RBMS3: variants seen among roughly 807,000 people sequenced by gnomAD.
RBMS3 encodes RNA binding motif single stranded interacting protein 3.
In RBMS3, 27 loss-of-function variants were observed where a neutral mutation model predicts 66.8. The ratio of observed to expected loss-of-function variants is 0.40; its 90% confidence interval spans 0.30 to 0.56. RBMS3 has a LOEUF of 0.56. RBMS3 is among the 20% of genes least tolerant of loss of function. The pLI, the probability that RBMS3 is intolerant of heterozygous loss-of-function variation, is 0.40. For missense variants in RBMS3, 513 were observed against 549.5 expected (o/e 0.93, Z 0.66); for synonymous variants, 188 against 183.0 (o/e 1.03, Z -0.22).
intron 6 of RBMS3, among the ~76,000 whole-genome samples, chr3:29,812,724 G>A (rs1157340619): frequency 6.6e-6 from 1 of 152,146 alleles, no homozygotes; most frequent in African/African-American, 2.4e-5. Flanking sequence ...GTGAGAAAGA[G>A]TTTTTCTTTT....
intron 6 of RBMS3, among the ~76,000 whole-genome samples, chr3:29,838,542 T>G (rs569065766): frequency 1.4e-4 from 22 of 152,232 alleles, no homozygotes; most frequent in African/African-American, 4.8e-4. Flanking sequence ...TTGATAATAA[T>G]AAGAAACATA....
intron 6 of RBMS3, among the ~76,000 whole-genome samples, chr3:29,764,123 AG>A (rs11479393): frequency 0.48 from 72,622 of 151,664 alleles, 18,032 homozygotes; most frequent in African/African-American, 0.61. Flanking sequence ...GCTTTTTTTA[AG>A]GGGGGATGTC....
chr3:29,508,668 CT>C (rs965427906), intron 3 of RBMS3, among the ~76,000 whole-genome samples: 58 of 150,766 alleles, frequency 3.8e-4, no homozygotes, highest in Admixed American at 3.0e-3. Context: ...CATACGTGCG[CT>C]TTTTTTTTAT....
chr3:29,379,495 G>A (rs1559532452), intron 1 of RBMS3, among the ~76,000 whole-genome samples: 4 of 152,168 alleles, frequency 2.6e-5, no homozygotes, highest in East Asian at 1.9e-4. Flanking sequence ...CATGGCTGGG[G>A]AGGCATCACA....
intron 4 of RBMS3, among the ~76,000 whole-genome samples, chr3:29,733,138 T>C (rs555559987): frequency 1.3e-5 from 2 of 152,218 alleles, no homozygotes; most frequent in Admixed American, 1.3e-4. Context: ...TCTTTCTCAA[T>C]GTTTTTAAAA....
chr3:29,413,131 G>A (rs2040337138), intron 1 of RBMS3, among the ~76,000 whole-genome samples: 1 of 152,156 alleles, frequency 6.6e-6, no homozygotes, highest in Non-Finnish European at 1.5e-5. Context: ...AGCACTTTGG[G>A]AGCCCAAGGC....
chr3:29,919,525 A>AT (rs1475862549), intron 10 of RBMS3, among the ~76,000 whole-genome samples: 1 of 152,184 alleles, frequency 6.6e-6, no homozygotes, highest in Non-Finnish European at 1.5e-5. Flanking sequence ...TCATTGCTCC[A>AT]TTTGCTAATC....
intron 3 of RBMS3, among the ~76,000 whole-genome samples, chr3:29,514,501 A>G (rs1199531963): frequency 6.6e-6 from 1 of 151,886 alleles, no homozygotes; most frequent in East Asian, 1.9e-4. Flanking sequence ...CGAGTTGCTC[A>G]ATCTAATGTG....
chr3:29,910,897 C>T (rs1377514113), intron 10 of RBMS3, among the ~76,000 whole-genome samples: 6 of 151,762 alleles, frequency 4.0e-5, no homozygotes, highest in Admixed American at 6.6e-5. Flanking sequence ...AAGTAAAATG[C>T]CTTTAAACTT....
chr3:29,785,039 A>G (rs191802923), intron 6 of RBMS3, among the ~76,000 whole-genome samples: 6 of 152,058 alleles, frequency 3.9e-5, no homozygotes, highest in Admixed American at 1.3e-4. Flanking sequence ...TAAAATTGCC[A>G]CCAAAAAAAG....
At chr3:29,518,505 A>G (rs998876175) in intron 3 of RBMS3, among the ~76,000 whole-genome samples, 1 of 152,214 alleles carries the variant, frequency 6.6e-6, no homozygotes, top group Non-Finnish European at 1.5e-5. Flanking sequence ...GATCTATTGT[A>G]TAGTAAAAGA....
intron 1 of RBMS3, among the ~76,000 whole-genome samples, chr3:29,378,528 A>G (rs1409506440): frequency 1.3e-5 from 2 of 151,744 alleles, no homozygotes; most frequent in African/African-American, 4.8e-5. Flanking sequence ...TCATAGAGGT[A>G]TTGTGAGGAT....
intron 10 of RBMS3, among the ~76,000 whole-genome samples, chr3:29,919,395 A>G (rs1383481685): frequency 6.6e-6 from 1 of 152,222 alleles, no homozygotes; most frequent in Non-Finnish European, 1.5e-5. Flanking sequence ...AGAGAAATTA[A>G]GCTTTCCTGG....
chr3:29,476,611 C>T (rs926834262), intron 2 of RBMS3, among the ~76,000 whole-genome samples: 4 of 152,130 alleles, frequency 2.6e-5, no homozygotes, highest in African/African-American at 7.2e-5. Flanking sequence ...AGGAGATTAA[C>T]GTATTGACAA....
intron 1 of RBMS3, among the ~76,000 whole-genome samples, chr3:29,380,192 A>G (rs2038694011): frequency 6.9e-6 from 1 of 145,962 alleles, no homozygotes; most frequent in African/African-American, 2.6e-5. Flanking sequence ...AGAATCTAGT[A>G]GGTATTTAGT....
At chr3:29,916,336 CTTTAA>C (rs983008009) in intron 10 of RBMS3, among the ~76,000 whole-genome samples, 1 of 151,886 alleles carries the variant, frequency 6.6e-6, no homozygotes, top group Non-Finnish European at 1.5e-5. Flanking sequence ...ATCTTCTCTT[CTTTAA>C]TTTGTTAAGT....
chr3:29,351,996 G>A (rs185527607), intron 1 of RBMS3, among the ~76,000 whole-genome samples: 43 of 152,016 alleles, frequency 2.8e-4, no homozygotes, highest in Middle Eastern at 3.4e-3. Context: ...TAACTTCTCC[G>A]TGTATACCGA....
At chr3:29,947,358 G>C (rs937024742) in intron 12 of RBMS3, among the ~76,000 whole-genome samples, 1 of 151,438 alleles carries the variant, frequency 6.6e-6, no homozygotes, top group Non-Finnish European at 1.5e-5. Context: ...AATTATACAT[G>C]GCTCAAGAAT....
intron 10 of RBMS3, among the ~76,000 whole-genome samples, chr3:29,923,754 G>GT (rs531179724): frequency 1.5e-4 from 22 of 150,920 alleles, no homozygotes; most frequent in African/African-American, 2.7e-4. Context: ...GCATCCCCAT[G>GT]TTTTTTTTTA....
Sources: gnomAD v4.1 joint callset for allele counts (sites outside exome capture counted in the v4.1 genomes callset) on GRCh38, gnomAD v4.1.1 for gene constraint, MANE v1.5 for transcripts, NCBI Gene and HGNC (gene_info 2026-07-23, HGNC 2026-07-21) for gene names.